Variants in BMPR1A observed in about 807,000 individuals in gnomAD.
BMPR1A encodes the protein bone morphogenetic protein receptor type-1A.
Under a neutral mutation model 66.0 loss-of-function variants are expected in BMPR1A, and 7 were observed. The ratio of observed to expected loss-of-function variants is 0.11; its 90% CI spans 0.06 to 0.20. The LOEUF is 0.20. Among genes scored for constraint, BMPR1A ranks in the 10% least tolerant of loss-of-function variants. BMPR1A has a pLI of 1.00. For missense variants in BMPR1A, 408 were observed against 669.1 expected (o/e 0.61, Z 4.31); for synonymous variants, 200 against 229.7 (o/e 0.87, Z 1.17).
At chr10:86,912,964 C>A (rs1225481582) in intron 8 of BMPR1A, among the ~76,000 whole-genome samples, 2 of 151,608 alleles carry the variant, frequency 1.3e-5, no homozygotes, top group African/African-American at 4.8e-5. Context: ...AAAAATAATC[C>A]CAGCAGGTTC....
intron 1 of BMPR1A, among the ~76,000 whole-genome samples, chr10:86,790,512 C>A (rs896995326): frequency 6.6e-6 from 1 of 151,806 alleles, no homozygotes; most frequent in African/African-American, 2.4e-5. Flanking sequence ...AAGTTTACAG[C>A]AGCATTATTC....
intron 9 of BMPR1A, 115 bp downstream of exon 9, chr10:86,917,441 A>G (rs1248076352): frequency 7.9e-7 from 1 of 1,258,888 alleles, no homozygotes; most frequent in African/African-American, 1.5e-5. Context: ...ATTTGGCTAA[A>G]GGAAACCTAG....
chr10:86,912,464 G>T lies in BMPR1A; in HGVS notation c.675+80G>T, dbSNP rs1014321606. On this transcript the variant is annotated intron_variant, in intron 8 of 12. Coordinates refer to ENST00000372037, the MANE Select transcript of BMPR1A (RefSeq NM_004329.3). The stretch of plus-strand genomic sequence containing the variant: ...CATGATGGTGGACAGTATAATTATT[G>T]CAGATCAGGGAACAATAATGGACAC... 5 of 1,544,452 alleles carry T rather than the reference G, an allele frequency of 3.2e-6. No homozygotes were observed. In the East Asian group the frequency reaches 1.1e-4, roughly 35 times the overall value.
intron 1 of BMPR1A, among the ~76,000 whole-genome samples, chr10:86,826,647 C>T (rs1032819058): frequency 1.1e-4 from 17 of 152,016 alleles, no homozygotes; most frequent in African/African-American, 3.6e-4. Context: ...ATATAGATGG[C>T]ATTAATTTTC....
At chr10:86,864,357 A>G (rs758989503) in intron 2 of BMPR1A, among the ~76,000 whole-genome samples, 49 of 151,956 alleles carry the variant, frequency 3.2e-4, no homozygotes, top group Non-Finnish European at 6.5e-4. Context: ...TGCCTCCACT[A>G]TTGCTCTCGG....
chr10:86,868,164 C>T, intron 2 of BMPR1A, among the ~76,000 whole-genome samples: 1 of 152,174 alleles, frequency 6.6e-6, no homozygotes, highest in East Asian at 1.9e-4. Flanking sequence ...CTAAAACACC[C>T]TGTTATGAAT....
chr10:86,919,110 C>T, intron 9 of BMPR1A, 62 bp from the exon 10 acceptor site: 2 of 1,585,002 alleles, frequency 1.3e-6, no homozygotes, highest in Middle Eastern at 1.7e-4. Context: ...CCAGAATGAG[C>T]ATTACTTCTC....
chr10:86,800,163 A>G (rs1308315565), intron 1 of BMPR1A, among the ~76,000 whole-genome samples: 2 of 152,312 alleles, frequency 1.3e-5, no homozygotes, highest in South Asian at 4.1e-4. Context: ...TCAAAAGAAA[A>G]TGCAGATTTC....
In BMPR1A at chr10:86,925,569, T is replaced by G. The variant is rs2133640670; in HGVS notation, c.*1850T>G. On this transcript the variant is annotated 3_prime_UTR_variant, in exon 13 of 13. Transcript: ENST00000372037. ...CATATGGATAATACCCAATAACTTG[T>G]TTTTTCAGAATTTTTCACCATATGT... 5.0e-6 allele frequency: 1 copy of G among 200,184 alleles called. No homozygotes were observed. Among genetic ancestry groups the G allele is most frequent in the East Asian group, 7.8e-5 (1 of 12,772 alleles). The allele number at this position is 200,184 out of a possible 1,614,324, so 12.4% of individuals were successfully genotyped here.
chr10:86,904,905 G>T (rs1249329216), intron 7 of BMPR1A, among the ~76,000 whole-genome samples: 1 of 152,138 alleles, frequency 6.6e-6, no homozygotes, highest in Non-Finnish European at 1.5e-5. Context: ...TCATGTGCTA[G>T]TTCAGTCTGT....
chr10:86,905,520 G>C (rs1263871022), intron 7 of BMPR1A, among the ~76,000 whole-genome samples: 2 of 152,182 alleles, frequency 1.3e-5, no homozygotes, highest in African/African-American at 4.8e-5. Flanking sequence ...CTGGCTGGCT[G>C]TTTAAATTGC....
In BMPR1A at chr10:86,899,782, CTCT is replaced by C. The variant is rs1182437783; in HGVS notation, c.334-7_334-5del. Reference sequence around the variant, plus strand: ...CAAACCATTTCTAATTTTATCATTACTCTTCTTTTAGGATTCTCCAAAAGCCCA... The same window carrying C: ...CAAACCATTTCTAATTTTATCATTACTCTTTTAGGATTCTCCAAAAGCCCA... On this transcript the variant is annotated splice_polypyrimidine_tract_variant and intron_variant, in intron 5 of 12. Coordinates refer to ENST00000372037, the MANE Select transcript of BMPR1A (RefSeq NM_004329.3). 1.2e-6 allele frequency: 2 copies of C among 1,605,576 alleles called. No individual in the cohort carries two copies. Among genetic ancestry groups the C allele is most frequent in the East Asian group, 4.5e-5 (2 of 44,856 alleles).
At chr10:86,843,750 TAGAA>T (rs951885534) in intron 2 of BMPR1A, among the ~76,000 whole-genome samples, 2 of 152,296 alleles carry the variant, frequency 1.3e-5, no homozygotes, top group African/African-American at 2.4e-5. Context: ...GTGAAGGTCT[TAGAA>T]AGGGCAGGAA....
Position 86,796,565 on chromosome 10 carries a change from T to C in BMPR1A, c.-268+39646T>C, listed in dbSNP as rs537125591. On this transcript the variant is annotated intron_variant, in intron 1 of 12. Coordinates refer to ENST00000372037, the MANE Select transcript of BMPR1A (RefSeq NM_004329.3). The stretch of plus-strand genomic sequence containing the variant: ...TGAGAGTAGGTGCTGTATTTTCTTT[T>C]CTTTCCTTGTTTCTTCTTTTTTGTT... 5.9e-5 allele frequency among the ~76,000 whole-genome samples: 9 copies of C among 151,838 alleles called. No individual in the cohort carries two copies. In the East Asian group the frequency reaches 7.7e-4, roughly 13 times the overall value.
At chr10:86,805,694 C>T (rs1027648255) in intron 1 of BMPR1A, among the ~76,000 whole-genome samples, 4 of 152,062 alleles carry the variant, frequency 2.6e-5, no homozygotes, top group Non-Finnish European at 5.9e-5. Flanking sequence ...ATCTTCTGAC[C>T]TCATGATCCA....
At chr10:86,909,865 T>C (rs1401494425) in intron 7 of BMPR1A, among the ~76,000 whole-genome samples, 1 of 152,130 alleles carries the variant, frequency 6.6e-6, no homozygotes, top group Admixed American at 6.5e-5. Context: ...GGGATAAAGG[T>C]GTAGGGAAAA....
chr10:86,782,476 A>G (rs1444337163), intron 1 of BMPR1A, among the ~76,000 whole-genome samples: 1 of 151,988 alleles, frequency 6.6e-6, no homozygotes, highest in Non-Finnish European at 1.5e-5. Flanking sequence ...TAATTCCTCC[A>G]CATCCTTGCC....
intron 1 of BMPR1A, among the ~76,000 whole-genome samples, chr10:86,774,097 G>A (rs1022622440): frequency 3.3e-5 from 5 of 152,114 alleles, no homozygotes; most frequent in South Asian, 2.1e-4. Context: ...ATGATCGCCC[G>A]CCTCGGCCTC....
chr10:86,766,080 G>A (rs1841158264), intron 1 of BMPR1A, among the ~76,000 whole-genome samples: 1 of 147,906 alleles, frequency 6.8e-6, no homozygotes, highest in Non-Finnish European at 1.5e-5. Flanking sequence ...TCCAACTCCT[G>A]GGCTCAAGCA....
Sources: allele counts gnomAD v4.1 joint callset (sites outside exome capture counted in the v4.1 genomes callset), GRCh38; gene constraint gnomAD v4.1.1; transcripts MANE v1.5; gene names NCBI Gene and HGNC (gene_info 2026-07-23, HGNC 2026-07-21).